FAM227A: variants seen among roughly 807,000 people sequenced by gnomAD.
FAM227A encodes protein FAM227A.
FAM227A carries 80 observed loss-of-function variants against 74.7 expected under a neutral mutation model. The ratio of observed to expected loss-of-function variants is 1.07; its 90% CI spans 0.89 to 1.29. FAM227A has a LOEUF of 1.29. Ranked by LOEUF, FAM227A falls within the 50% of genes most tolerant of loss-of-function variation. FAM227A has a pLI of 0.00. For missense variants in FAM227A, 654 were observed against 683.4 expected (o/e 0.96, Z 0.48); for synonymous variants, 237 against 241.8 (o/e 0.98, Z 0.19).
Position 38,586,074 on chromosome 22 carries a change from G to C in FAM227A, c.*51C>G. 6.4e-7 allele frequency: 1 copy of C among 1,551,882 alleles called. No homozygotes were observed. Among genetic ancestry groups the C allele is most frequent in the South Asian group, 1.2e-5 (1 of 84,000 alleles). On this transcript the variant is annotated 3_prime_UTR_variant, in exon 17 of 17. Coordinates refer to ENST00000535113, the MANE Select transcript of FAM227A (RefSeq NM_001013647.2). Reference sequence around the variant, plus strand: ...TCTTGTTCCACTCCACCTCGTAGCAGAAATATCACGGATTCTGTAGGCGCT... The same window carrying C: ...TCTTGTTCCACTCCACCTCGTAGCACAAATATCACGGATTCTGTAGGCGCT...
intron 6 of FAM227A, 26 bp downstream of exon 6, chr22:38,636,425 C>A (rs1183344919): frequency 6.5e-7 from 1 of 1,547,916 alleles, no homozygotes; most frequent in East Asian, 2.4e-5. Flanking sequence ...TTGGCAAACT[C>A]AGGGCAGGCA....
At position 38,585,965 on chromosome 22, in the gene FAM227A, G is replaced by A. The variant is rs2090797269; in HGVS notation, c.*160C>T. 6.7e-7 allele frequency: 1 copy of A among 1,488,670 alleles called. No homozygotes were observed. Among genetic ancestry groups the A allele is most frequent in the Non-Finnish European group, 9.0e-7 (1 of 1,115,564 alleles). 92.2% of individuals were successfully genotyped at this position (1,488,670 alleles called of 1,614,324 possible). A position where few individuals can be genotyped will look rare whatever the true frequency, so the allele number is the denominator to read the frequency against. The stretch of plus-strand genomic sequence containing the variant: ...ACTCTCTACTCCTGCTTTTCACTCA[G>A]CCTAGGAAAAACTACAACGGAATCC... On this transcript the variant is annotated 3_prime_UTR_variant, in exon 17 of 17. Coordinates refer to ENST00000535113, the MANE Select transcript of FAM227A (RefSeq NM_001013647.2).
chr22:38,607,276 C>T (rs959424187), intron 12 of FAM227A, 113 bp downstream of exon 12: 5 of 687,728 alleles, frequency 7.3e-6, no homozygotes, highest in Non-Finnish European at 1.2e-5. Context: ...AGGCTGGAAC[C>T]CCAAGTATAA....
chr22:38,645,817 G>A (rs887807691), intron 2 of FAM227A, among the ~76,000 whole-genome samples, 172 bp from the exon 3 acceptor site: 1 of 152,034 alleles, frequency 6.6e-6, no homozygotes, highest in African/African-American at 2.4e-5. Flanking sequence ...ACAGGGCCAC[G>A]CTTTGTTGCC....
intron 1 of FAM227A, among the ~76,000 whole-genome samples, chr22:38,655,398 G>A (rs1171602296): frequency 6.6e-6 from 1 of 151,746 alleles, no homozygotes; most frequent in African/African-American, 2.4e-5. Flanking sequence ...GGGCATGGTG[G>A]TGGGTGCCTG....
chr22:38,646,588 T>C (rs1313848626), intron 2 of FAM227A, among the ~76,000 whole-genome samples: 1 of 151,894 alleles, frequency 6.6e-6, no homozygotes, highest in Non-Finnish European at 1.5e-5. Context: ...CATATTTTTG[T>C]CTGTATTTAC....
intron 6 of FAM227A, among the ~76,000 whole-genome samples, chr22:38,631,371 C>T (rs2091912624): frequency 6.6e-6 from 1 of 151,892 alleles, no homozygotes; most frequent in African/African-American, 2.4e-5. Flanking sequence ...AAACAATAGA[C>T]ACGGGGGACT....
intron 11 of FAM227A, among the ~76,000 whole-genome samples, chr22:38,614,451 G>A (rs1368694701): frequency 6.6e-6 from 1 of 152,178 alleles, no homozygotes; most frequent in Non-Finnish European, 1.5e-5. Context: ...ACTTAAACAA[G>A]AGAAGGGCAG....
In FAM227A at chr22:38,641,974, T is replaced by TGTGTGCGC. The variant is rs1555973176; in HGVS notation, c.226-2251_226-2250insGCGCACAC. On this transcript the variant is annotated intron_variant, in intron 3 of 16. Transcript: ENST00000535113. ...GTGTGTGTGTGTGTGTGTGTGTGTG[T>TGTGTGCGC]GCGCACGTGTGTGTGCGCGTGTGTT... 4.8e-5 allele frequency among the ~76,000 whole-genome samples: 7 copies of TGTGTGCGC among 146,116 alleles called. No homozygotes were observed. The South Asian group carries it at 1.0e-3, about 22-fold the overall frequency.
chr22:38,621,260 G>A (rs896615697), intron 10 of FAM227A, among the ~76,000 whole-genome samples: 1 of 149,940 alleles, frequency 6.7e-6, no homozygotes, highest in Non-Finnish European at 1.5e-5. Context: ...TGAGGCTCAA[G>A]AATCGCTTGA....
At chr22:38,606,710 C>G (rs982127777) in intron 12 of FAM227A, among the ~76,000 whole-genome samples, 1 of 152,168 alleles carries the variant, frequency 6.6e-6, no homozygotes. Context: ...ATCACAGTCA[C>G]CAATATAAAT....
chr22:38,608,526 G>T (rs1487481473), intron 11 of FAM227A, among the ~76,000 whole-genome samples: 2 of 151,952 alleles, frequency 1.3e-5, no homozygotes, highest in South Asian at 2.1e-4. Context: ...TGCCTCCCGG[G>T]TTCAAGCAAT....
At chr22:38,607,513 CGA>C (rs772639441) in intron 11 of FAM227A, 37 bp from the exon 12 acceptor site, 248 of 1,335,266 alleles carry the variant, frequency 1.9e-4, no homozygotes, top group Admixed American at 2.1e-4. Flanking sequence ...AGGGAGAAAG[CGA>C]GAGAGAGAGA....
chr22:38,638,662 A>G, intron 5 of FAM227A, 84 bp downstream of exon 5: 1 of 999,458 alleles, frequency 1.0e-6, no homozygotes, highest in Admixed American at 2.1e-5. Context: ...CCAGGCACCA[A>G]GTATTCTCCT....
chr22:38,651,322 G>A (rs1342939101), intron 1 of FAM227A, among the ~76,000 whole-genome samples: 1 of 152,124 alleles, frequency 6.6e-6, no homozygotes, highest in Non-Finnish European at 1.5e-5. Flanking sequence ...TCTCCACTAG[G>A]CAAATTATGG....
intron 3 of FAM227A, among the ~76,000 whole-genome samples, chr22:38,644,050 G>A (rs918164200): frequency 1.3e-5 from 2 of 150,798 alleles, no homozygotes; most frequent in Non-Finnish European, 1.5e-5. Context: ...GGAGGCTGAG[G>A]CAGGAGAATG....
chr22:38,610,069 G>A (rs925018155), intron 11 of FAM227A, among the ~76,000 whole-genome samples: 5 of 151,396 alleles, frequency 3.3e-5, no homozygotes, highest in Admixed American at 6.6e-5. Flanking sequence ...CACTGGGCCC[G>A]GCCATTTTTT....
chr22:38,613,425 T>TATAATATATATTATACA (rs1555960391), intron 11 of FAM227A, among the ~76,000 whole-genome samples: 1 of 5,780 alleles, frequency 1.7e-4, no homozygotes, highest in Non-Finnish European at 7.1e-4. Context: ...TATATATAAT[T>TATAATATATATTATACA]TGTTTGTTTT....
intron 12 of FAM227A, among the ~76,000 whole-genome samples, chr22:38,606,456 C>T (rs1328671019): frequency 1.3e-5 from 2 of 152,124 alleles, no homozygotes; most frequent in African/African-American, 4.8e-5. Flanking sequence ...CTGTAATGTA[C>T]GCAACTAATC....
Sources: allele counts gnomAD v4.1 joint callset (sites outside exome capture counted in the v4.1 genomes callset), GRCh38; gene constraint gnomAD v4.1.1; transcripts MANE v1.5; gene names NCBI Gene and HGNC (gene_info 2026-07-23, HGNC 2026-07-21).